GULP1: variants seen among roughly 807,000 people sequenced by gnomAD.
The protein encoded by GULP1 is PTB domain-containing engulfment adapter protein 1.
A neutral mutation model predicts 40.9 loss-of-function variants in GULP1; 19 were observed. That is an observed-to-expected ratio of 0.46 (90% CI 0.32 to 0.68). GULP1 has a LOEUF of 0.68. Ranked by LOEUF, GULP1 falls within the 30% of genes least tolerant of loss-of-function variation. GULP1 has a pLI of 0.03. For missense variants in GULP1, 312 were observed against 362.2 expected, an observed-to-expected ratio of 0.86 and a Z score of 1.12; for synonymous variants, 119 against 117.6, an observed-to-expected ratio of 1.01 and a Z score of -0.08.
chr2:188,432,300 CTAAT>C (rs993524273), intron 2 of GULP1, among the ~76,000 whole-genome samples: 25 of 151,258 alleles, frequency 1.7e-4, no homozygotes, highest in Non-Finnish European at 3.5e-4. Flanking sequence ...AAACATTTAC[CTAAT>C]TAATTTATTT....
intron 7 of GULP1, among the ~76,000 whole-genome samples, chr2:188,548,877 C>T (rs1431323925): frequency 1.4e-5 from 2 of 142,750 alleles, no homozygotes; most frequent in South Asian, 2.1e-4. Flanking sequence ...TGTTTTCAGA[C>T]AGTGCTGGTG....
At chr2:188,551,884 G>A (rs1271910192) in intron 7 of GULP1, among the ~76,000 whole-genome samples, 7 of 151,866 alleles carry the variant, frequency 4.6e-5, no homozygotes, top group African/African-American at 1.7e-4. Flanking sequence ...GGGTTAAGAT[G>A]ATAACATTGT....
At chr2:188,508,240 G>A (rs1022357828) in intron 4 of GULP1, among the ~76,000 whole-genome samples, 8 of 151,938 alleles carry the variant, frequency 5.3e-5, no homozygotes, top group African/African-American at 1.9e-4. Flanking sequence ...TTACTAAATA[G>A]CACTATTTAG....
At chr2:188,527,540 A>G (rs73042427) in intron 5 of GULP1, among the ~76,000 whole-genome samples, 1 of 152,180 alleles carries the variant, frequency 6.6e-6, no homozygotes, top group East Asian at 1.9e-4. Context: ...ATTTTTAAAG[A>G]TCTACACTCA....
chr2:188,517,472 C>T (rs1261522479), intron 4 of GULP1, among the ~76,000 whole-genome samples: 3 of 151,776 alleles, frequency 2.0e-5, no homozygotes, highest in African/African-American at 4.8e-5. Context: ...TTTTTTATTG[C>T]GCTCCCTCTA....
At chr2:188,502,161 A>G (rs1412460115) in intron 4 of GULP1, among the ~76,000 whole-genome samples, 1 of 151,626 alleles carries the variant, frequency 6.6e-6, no homozygotes, top group Non-Finnish European at 1.5e-5. Context: ...GGATAATAGT[A>G]GGATGGAATA....
chr2:188,344,961 C>T (rs1054444227), intron 1 of GULP1, among the ~76,000 whole-genome samples: 1 of 151,970 alleles, frequency 6.6e-6, no homozygotes, highest in Admixed American at 6.6e-5. Flanking sequence ...AAAAGTATAG[C>T]TTTGTTATTT....
chr2:188,408,585 C>G (rs1001969802), intron 2 of GULP1, among the ~76,000 whole-genome samples: 3 of 152,026 alleles, frequency 2.0e-5, no homozygotes, highest in African/African-American at 7.3e-5. Flanking sequence ...GACTTTGATA[C>G]CCCACTTTCA....
chr2:188,433,427 A>G (rs1181203459), intron 2 of GULP1, among the ~76,000 whole-genome samples: 1 of 152,148 alleles, frequency 6.6e-6, no homozygotes, highest in Non-Finnish European at 1.5e-5. Context: ...GAAATTGATT[A>G]TGAGAGAAAA....
chr2:188,374,722 G>T (rs1452224492), intron 1 of GULP1, among the ~76,000 whole-genome samples: 1 of 151,644 alleles, frequency 6.6e-6, no homozygotes, highest in Non-Finnish European at 1.5e-5. Flanking sequence ...CTACAGCTAG[G>T]GTCACCCTTA....
Position 188,509,189 on chromosome 2 carries a change from C to T in GULP1, c.91-13567C>T, listed in dbSNP as rs151324594. ...GAATAAAAGAAGCTCTACTCTGGTG[C>T]AGAGCCTGCTCTCCCTAGTGGCTCT... On this transcript the variant is annotated intron_variant, in intron 4 of 11. Coordinates refer to ENST00000409830, the MANE Select transcript of GULP1 (RefSeq NM_016315.4). Among the ~76,000 whole-genome samples the T allele has an allele frequency of 5.9e-5, 9 of 152,186 alleles. No homozygotes were observed. In the East Asian group the frequency reaches 1.7e-3, roughly 30 times the overall value.
chr2:188,526,796 T>A (rs972720869), intron 5 of GULP1, among the ~76,000 whole-genome samples: 1 of 152,010 alleles, frequency 6.6e-6, no homozygotes, highest in South Asian at 2.1e-4. Context: ...AAAGAAAAAA[T>A]TATTTGGTGA....
At chr2:188,450,018 C>T (rs931347215) in intron 2 of GULP1, among the ~76,000 whole-genome samples, 21 of 152,132 alleles carry the variant, frequency 1.4e-4, no homozygotes, top group Admixed American at 1.1e-3. Context: ...TAACCAAATG[C>T]TTCATACCTA....
intron 4 of GULP1, among the ~76,000 whole-genome samples, chr2:188,493,672 C>A (rs1008633171): frequency 6.6e-6 from 1 of 152,056 alleles, no homozygotes; most frequent in Non-Finnish European, 1.5e-5. Context: ...ATAACCTTAT[C>A]CTCCTCTATC....
rs1325357882 is a variant in GULP1 at position 188,388,286 on chromosome 2, T to G, written c.-45+4397T>G. On this transcript the variant is annotated intron_variant, in intron 2 of 11. Transcript: ENST00000409830. ...GCTCATGCCTGTAATTCCAGCACTT[T>G]GGGAGACTGAGGCAGGTGGATCGCT... 2.0e-5 allele frequency among the ~76,000 whole-genome samples: 3 copies of G among 150,250 alleles called. No individual in the cohort carries two copies. In the Admixed American group the frequency reaches 2.0e-4, roughly 10 times the overall value.
At chr2:188,326,950 T>C (rs549960183) in intron 1 of GULP1, among the ~76,000 whole-genome samples, 20 of 152,224 alleles carry the variant, frequency 1.3e-4, no homozygotes, top group African/African-American at 4.6e-4. Context: ...GAGAGACTTA[T>C]CTGGAAAACT....
chr2:188,458,709 A>G (rs762720327), intron 2 of GULP1, among the ~76,000 whole-genome samples: 1 of 152,142 alleles, frequency 6.6e-6, no homozygotes, highest in African/African-American at 2.4e-5. Flanking sequence ...CTATTTAACA[A>G]AATTAACTTA....
intron 1 of GULP1, among the ~76,000 whole-genome samples, chr2:188,356,843 A>G (rs2045392684): frequency 6.6e-6 from 1 of 152,158 alleles, no homozygotes; most frequent in Non-Finnish European, 1.5e-5. Context: ...ACAGCATGGT[A>G]CTGGCATTAA....
At chr2:188,332,191 CTTTT>C (rs11431434) in intron 1 of GULP1, among the ~76,000 whole-genome samples, 1 of 126,710 alleles carries the variant, frequency 7.9e-6, no homozygotes, top group Non-Finnish European at 1.6e-5. Context: ...TTTCTTTATT[CTTTT>C]TTTTTTTTTT....
Sources: gnomAD v4.1 joint callset for allele counts (sites outside exome capture counted in the v4.1 genomes callset) on GRCh38, gnomAD v4.1.1 for gene constraint, MANE v1.5 for transcripts, NCBI Gene and HGNC (gene_info 2026-07-23, HGNC 2026-07-21) for gene names.